The following PEX14 variants were observed in gnomAD, a reference collection of about 807,000 sequenced individuals.
PEX14 encodes the protein peroxisomal membrane protein PEX14.
In PEX14, 15 loss-of-function variants were observed where a neutral mutation model predicts 49.5. The observed-to-expected ratio is 0.30, with a 90% confidence interval of 0.20 to 0.47. The LOEUF (loss-of-function observed/expected upper bound fraction) is 0.47, where lower values mean the gene tolerates loss of function less well. PEX14 is among the 20% of genes least tolerant of loss of function. The probability of loss-of-function intolerance (pLI) is 1.00; values close to 1 mark genes in which losing one functional copy is unlikely to be tolerated. For missense variants in PEX14, 398 were observed against 494.8 expected, an observed-to-expected ratio of 0.80 and a Z score of 1.86; for synonymous variants, 210 against 212.7, an observed-to-expected ratio of 0.99 and a Z score of 0.11.
chr1:10,612,193 A>AT (rs1026210608), intron 4 of PEX14, among the ~76,000 whole-genome samples: 2 of 150,788 alleles, frequency 1.3e-5, no homozygotes, highest in Non-Finnish European at 1.5e-5. Context: ...GTCAAGGTTC[A>AT]TTTTTTTTTC....
chr1:10,574,308 A>G (rs1367663975), intron 3 of PEX14, among the ~76,000 whole-genome samples: 1 of 152,248 alleles, frequency 6.6e-6, no homozygotes, highest in African/African-American at 2.4e-5. Flanking sequence ...TATGAAGTTC[A>G]AGGACAGGCA....
intron 4 of PEX14, among the ~76,000 whole-genome samples, chr1:10,605,196 C>A (rs1641092102): frequency 6.6e-6 from 1 of 152,112 alleles, no homozygotes; most frequent in Admixed American, 6.6e-5. Flanking sequence ...TGGAAATGTG[C>A]TTGAGAATGG....
intron 3 of PEX14, among the ~76,000 whole-genome samples, chr1:10,557,472 G>C (rs1037898884): frequency 7.2e-5 from 11 of 152,176 alleles, no homozygotes; most frequent in African/African-American, 2.7e-4. Context: ...TGTAATCCCA[G>C]CTGCTCGGGA....
chr1:10,503,788 C>T (rs184875636), intron 2 of PEX14, among the ~76,000 whole-genome samples: 23 of 152,004 alleles, frequency 1.5e-4, no homozygotes, highest in African/African-American at 5.3e-4. Context: ...GGCTGGAGTA[C>T]AGTGGCACAA....
intron 3 of PEX14, among the ~76,000 whole-genome samples, chr1:10,587,014 CAA>C (rs1306412318): frequency 6.6e-6 from 1 of 152,030 alleles, no homozygotes; most frequent in Non-Finnish European, 1.5e-5. Context: ...TGGGAGGAGA[CAA>C]GGGATGTTGC....
intron 3 of PEX14, among the ~76,000 whole-genome samples, chr1:10,588,858 G>GA (rs937443742): frequency 1.3e-5 from 2 of 151,740 alleles, no homozygotes; most frequent in Admixed American, 6.6e-5. Flanking sequence ...AATAAGGAAA[G>GA]AAAAAAAATC....
At chr1:10,563,107 G>A (rs569792249) in intron 3 of PEX14, among the ~76,000 whole-genome samples, 53 of 148,344 alleles carry the variant, frequency 3.6e-4, no homozygotes, top group African/African-American at 1.3e-3. Context: ...TGGTAGAGGC[G>A]GGGTTTCACC....
chr1:10,524,202 AAGAG>A (rs1161773603), intron 2 of PEX14, among the ~76,000 whole-genome samples: 2 of 151,832 alleles, frequency 1.3e-5, no homozygotes, highest in Admixed American at 1.3e-4. Context: ...AACAGGCAAG[AAGAG>A]AGAGAGAGAA....
intron 2 of PEX14, among the ~76,000 whole-genome samples, chr1:10,533,677 A>G (rs945033264): frequency 1.3e-5 from 2 of 152,174 alleles, no homozygotes; most frequent in Non-Finnish European, 2.9e-5. Context: ...ATTAAAGATG[A>G]TTTTTCCCAA....
rs1479023779 is a variant in PEX14, at chr1:10,495,311, G to A, written c.74G>A (p.Arg25Gln). The change falls in exon 2 of 9, where the codon CGA (arginine) becomes CAA (glutamine). Residue 25 changes from arginine (R) to glutamine (Q), a missense_variant. By Grantham distance (43) the Arg-to-Gln change is conservative. This residue lies in a region of PEX14 where 56 missense variants were observed against 40.8 expected (regional missense o/e 1.37). Transcript: ENST00000356607. The surrounding 1 kb of genome is among the most constrained non-coding windows in gnomAD (Gnocchi z 4.2). ...STPGSENVLP[R>Q]EPLIATAVKF... ...CCAGGAAGTGAAAATGTGCTGCCTC[G>A]AGAGCCGCTGGTAAGTACCCAAGAT... is the stretch of plus-strand genomic sequence containing the variant. The A allele has an allele frequency of 5.6e-6, 9 of 1,613,412 alleles. No individual in the cohort carries two copies. Among genetic ancestry groups the A allele is most frequent in the Non-Finnish European group, 7.6e-6 (9 of 1,179,602 alleles).
At chr1:10,487,002 TAA>T (rs542545046) in intron 1 of PEX14, among the ~76,000 whole-genome samples, 1 of 147,638 alleles carries the variant, frequency 6.8e-6, no homozygotes, top group Non-Finnish European at 1.5e-5. Context: ...CTCTGTCTCT[TAA>T]AAAAAAAAAA....
chr1:10,525,352 G>A (rs1161810402), intron 2 of PEX14, among the ~76,000 whole-genome samples: 2 of 151,950 alleles, frequency 1.3e-5, no homozygotes, highest in Non-Finnish European at 2.9e-5. Flanking sequence ...CCTCATCTGC[G>A]TCAGCGGTAT....
At chr1:10,516,656 A>G (rs964918297) in intron 2 of PEX14, among the ~76,000 whole-genome samples, 1 of 152,248 alleles carries the variant, frequency 6.6e-6, no homozygotes, top group Non-Finnish European at 1.5e-5. Flanking sequence ...ACATGGGTAC[A>G]AACCAGCTTC....
chr1:10,624,585 C>T (rs989096968), intron 7 of PEX14, 148 bp downstream of exon 7: 1 of 684,518 alleles, frequency 1.5e-6, no homozygotes, highest in Non-Finnish European at 2.7e-6. Flanking sequence ...CGATGCTGCC[C>T]TTTCTCTCCT....
chr1:10,475,003 G>A lies in PEX14; in HGVS notation c.36+1G>A. 6.2e-7 allele frequency: 1 copy of A among 1,609,866 alleles called. No homozygotes were observed. The highest frequency in any genetic ancestry group is 8.5e-7 in the Non-Finnish European group (1 of 1,178,338). On this transcript the variant is annotated splice_donor_variant, in intron 1 of 8. Coordinates refer to ENST00000356607, the MANE Select transcript of PEX14 (RefSeq NM_004565.3). LOFTEE classifies it high-confidence loss of function. Reference sequence around the variant, plus strand: ...GGAGCAGGCAGAGCAGCCGAGCCAGGTAAGGGGAGTGGGACTGCCCCGCTG... The same window carrying A: ...GGAGCAGGCAGAGCAGCCGAGCCAGATAAGGGGAGTGGGACTGCCCCGCTG...
At chr1:10,548,409 A>G (rs987401248) in intron 3 of PEX14, among the ~76,000 whole-genome samples, 3 of 152,218 alleles carry the variant, frequency 2.0e-5, no homozygotes, top group Admixed American at 6.5e-5. Flanking sequence ...GAAACTTAAC[A>G]TAAGGTATAA....
rs942277755 is a variant in PEX14, at chr1:10,597,397, C to T, written c.170-1841C>T. ...CCCCTTCCTGTTTAGTCGGAGCGAT[C>T]GGCAGTCACTACACAGGCTGGAACC... On this transcript the variant is annotated intron_variant, in intron 3 of 8. Transcript: ENST00000356607. The surrounding 1 kb of genome is among the most constrained non-coding windows in gnomAD (Gnocchi z 5.7). Among the ~76,000 whole-genome samples, 4 of 152,144 alleles carry T rather than the reference C, an allele frequency of 2.6e-5. No homozygotes were observed. Among genetic ancestry groups the T allele is most frequent in the East Asian group, 3.9e-4 (2 of 5,194 alleles).
intron 1 of PEX14, among the ~76,000 whole-genome samples, chr1:10,490,801 A>T (rs1456487347): frequency 6.7e-6 from 1 of 148,688 alleles, no homozygotes; most frequent in Non-Finnish European, 1.5e-5. Context: ...TCCTGGGCTC[A>T]GTTGATCCTC....
intron 3 of PEX14, among the ~76,000 whole-genome samples, chr1:10,552,857 G>A (rs1375972963): frequency 2.0e-5 from 3 of 152,116 alleles, no homozygotes; most frequent in Non-Finnish European, 4.4e-5. Flanking sequence ...CCCTTTATCC[G>A]AGCCCTGCAA....
Sources: gnomAD v4.1 joint callset for allele counts (sites outside exome capture counted in the v4.1 genomes callset) on GRCh38, gnomAD v4.1.1 for gene constraint, gnomAD v4.1.1 regional missense constraint, Gnocchi (gnomAD v3.1) non-coding constraint, MANE v1.5 for transcripts, NCBI Gene and HGNC (gene_info 2026-07-23, HGNC 2026-07-21) for gene names.